DIAPH3: variants seen among roughly 807,000 people sequenced by gnomAD.
The protein encoded by DIAPH3 is protein diaphanous homolog 3.
In DIAPH3, 117 loss-of-function variants were observed where a neutral mutation model predicts 144.3. The observed-to-expected ratio is 0.81, with a 90% CI of 0.70 to 0.95. The LOEUF (loss-of-function observed/expected upper bound fraction) is 0.95. DIAPH3 is among the 40% of genes least tolerant of loss of function. The pLI is 0.00. For synonymous variants in DIAPH3, 519 were observed against 488.9 expected (o/e 1.06, Z -0.81); for missense variants, 1,421 against 1,412.7 (o/e 1.01, Z -0.09).
chr13:59,732,141 A>G (rs2035919779), intron 27 of DIAPH3, among the ~76,000 whole-genome samples: 1 of 151,878 alleles, frequency 6.6e-6, no homozygotes, highest in East Asian at 1.9e-4. Flanking sequence ...ACAAAATGCT[A>G]TTTTTTAACA....
intron 4 of DIAPH3, among the ~76,000 whole-genome samples, chr13:60,068,215 CAT>C (rs1245438652): frequency 6.6e-6 from 1 of 152,196 alleles, no homozygotes; most frequent in East Asian, 1.9e-4. Context: ...ATTTCTACAC[CAT>C]AGAGTTCCAG....
At chr13:60,039,963 C>T (rs959445820) in intron 5 of DIAPH3, among the ~76,000 whole-genome samples, 1 of 151,972 alleles carries the variant, frequency 6.6e-6, no homozygotes, top group Non-Finnish European at 1.5e-5. Context: ...GAGCCTGGCA[C>T]AGTGGCTTAC....
At position 60,042,507 on chromosome 13, in the gene DIAPH3, C is replaced by T. The variant is rs1034975186; in HGVS notation, c.626+183G>A. Among the ~76,000 whole-genome samples the T allele has an allele frequency of 2.6e-5, 4 of 152,190 alleles. No homozygotes were observed. In the East Asian group the frequency reaches 5.8e-4, roughly 22 times the overall value. On this transcript the variant is annotated intron_variant, in intron 5 of 27. Coordinates refer to ENST00000400324, the MANE Select transcript of DIAPH3 (RefSeq NM_001042517.2). Reference sequence around the variant, plus strand: ...TTTTTTACAGTCCCTGAGCAATGTACCACTCAGTAATAAATGCAAAAGGTA... The same window carrying T: ...TTTTTTACAGTCCCTGAGCAATGTATCACTCAGTAATAAATGCAAAAGGTA...
At chr13:59,765,968 T>G (rs2037842530) in intron 27 of DIAPH3, among the ~76,000 whole-genome samples, 2 of 152,198 alleles carry the variant, frequency 1.3e-5, no homozygotes, top group Non-Finnish European at 2.9e-5. Flanking sequence ...CCATAATGCC[T>G]ACTACAGATG....
At chr13:59,725,690 T>A (rs924517541) in intron 27 of DIAPH3, among the ~76,000 whole-genome samples, 1 of 152,174 alleles carries the variant, frequency 6.6e-6, no homozygotes, top group African/African-American at 2.4e-5. Context: ...TACCATAGCT[T>A]AAATTCCTGC....
chr13:59,684,074 G>C (rs929647695), intron 27 of DIAPH3, among the ~76,000 whole-genome samples: 1 of 151,656 alleles, frequency 6.6e-6, no homozygotes, highest in Admixed American at 6.6e-5. Context: ...ACAAGGCCAA[G>C]GAGCCAGCTG....
At chr13:59,953,089 C>T (rs1477516578) in intron 17 of DIAPH3, among the ~76,000 whole-genome samples, 1 of 152,042 alleles carries the variant, frequency 6.6e-6, no homozygotes, top group African/African-American at 2.4e-5. Context: ...CAAAGGAAAA[C>T]ATGGCAGGAT....
chr13:59,743,718 G>A (rs2036574098), intron 27 of DIAPH3, among the ~76,000 whole-genome samples: 1 of 152,092 alleles, frequency 6.6e-6, no homozygotes, highest in South Asian at 2.1e-4. Context: ...TATATGGGAT[G>A]CTTGGGGAAT....
At chr13:59,750,974 GGCACTGTCA>G (rs1485843072) in intron 27 of DIAPH3, among the ~76,000 whole-genome samples, 1 of 152,216 alleles carries the variant, frequency 6.6e-6, no homozygotes, top group Non-Finnish European at 1.5e-5. Context: ...CCCACATAGT[GGCACTGTCA>G]GCACTGTCGG....
chr13:60,068,341 AT>A (rs1287519278), intron 4 of DIAPH3, among the ~76,000 whole-genome samples: 1 of 152,160 alleles, frequency 6.6e-6, no homozygotes, highest in Non-Finnish European at 1.5e-5. Context: ...GTATGAAGGT[AT>A]TTTTTCTCCA....
intron 20 of DIAPH3, among the ~76,000 whole-genome samples, chr13:59,907,436 T>C (rs368455461): frequency 4.1e-4 from 63 of 152,326 alleles, no homozygotes; most frequent in African/African-American, 1.2e-3. Context: ...TGAGAGTTTA[T>C]TGGATTTTTG....
chr13:59,957,780 A>G (rs1220489512), intron 17 of DIAPH3, among the ~76,000 whole-genome samples: 1 of 152,236 alleles, frequency 6.6e-6, no homozygotes, highest in African/African-American at 2.4e-5. Context: ...TAACTTTAAA[A>G]TAGAAAAACA....
intron 9 of DIAPH3, among the ~76,000 whole-genome samples, chr13:59,993,878 T>C (rs2052014324): frequency 6.6e-6 from 1 of 151,720 alleles, no homozygotes; most frequent in Non-Finnish European, 1.5e-5. Context: ...TTTTTAAAGA[T>C]CTCAAAGAGC....
chr13:60,156,028 CA>C (rs898859454), intron 1 of DIAPH3, among the ~76,000 whole-genome samples: 11 of 152,318 alleles, frequency 7.2e-5, no homozygotes, highest in African/African-American at 2.6e-4. Context: ...CAGCTTAAAA[CA>C]ACAGAAATTC....
chr13:59,865,763 T>C (rs2043879867), intron 21 of DIAPH3, among the ~76,000 whole-genome samples: 1 of 151,986 alleles, frequency 6.6e-6, no homozygotes, highest in Non-Finnish European at 1.5e-5. Context: ...TTGGGGATAT[T>C]TTTGAGGTAT....
chr13:59,791,699 G>T (rs1231771354), intron 25 of DIAPH3, among the ~76,000 whole-genome samples: 2 of 152,182 alleles, frequency 1.3e-5, no homozygotes, highest in African/African-American at 4.8e-5. Context: ...AGAGGTAGTA[G>T]CTTTCAGAGC....
At chr13:59,919,087 A>T (rs1479964822) in intron 18 of DIAPH3, among the ~76,000 whole-genome samples, 1 of 152,062 alleles carries the variant, frequency 6.6e-6, no homozygotes, top group Non-Finnish European at 1.5e-5. Flanking sequence ...AGAAGAAAAA[A>T]ATCTGTAAAC....
intron 25 of DIAPH3, among the ~76,000 whole-genome samples, chr13:59,792,037 C>A (rs928977131): frequency 6.6e-6 from 1 of 152,156 alleles, no homozygotes; most frequent in African/African-American, 2.4e-5. Flanking sequence ...GCATTATTAG[C>A]ATGAACAATC....
At chr13:59,990,233 A>G (rs2051723581) in intron 12 of DIAPH3, among the ~76,000 whole-genome samples, 1 of 151,818 alleles carries the variant, frequency 6.6e-6, no homozygotes, top group Non-Finnish European at 1.5e-5. Context: ...CTCATCCTGA[A>G]AAACCTAAAG....
Sources: allele counts gnomAD v4.1 joint callset (sites outside exome capture counted in the v4.1 genomes callset), GRCh38; gene constraint gnomAD v4.1.1; transcripts MANE v1.5; gene names NCBI Gene and HGNC (gene_info 2026-07-23, HGNC 2026-07-21).